ANKRD18A: variants seen among roughly 807,000 people sequenced by gnomAD.
The protein encoded by ANKRD18A is ankyrin repeat domain-containing protein 18A.
Under a neutral mutation model 110.6 loss-of-function variants are expected in ANKRD18A, and 72 were observed. The observed-to-expected ratio is 0.65, with a 90% confidence interval of 0.54 to 0.79. The LOEUF (loss-of-function observed/expected upper bound fraction) is 0.79. ANKRD18A is among the 30% of genes least tolerant of loss of function. The pLI is 0.00. For missense variants in ANKRD18A, 934 were observed against 1,163.3 expected, an observed-to-expected ratio of 0.80 and a Z score of 2.87; for synonymous variants, 305 against 410.3, an observed-to-expected ratio of 0.74 and a Z score of 3.10.
chr9:38,618,241 G>A (rs1825937775), intron 1 of ANKRD18A, among the ~76,000 whole-genome samples: 1 of 151,972 alleles, frequency 6.6e-6, no homozygotes, highest in Non-Finnish European at 1.5e-5. Context: ...AGAAATCAAA[G>A]GTAAGAAAAA....
intron 12 of ANKRD18A, among the ~76,000 whole-genome samples, chr9:38,585,757 C>T (rs1361088208): frequency 1.3e-5 from 2 of 152,110 alleles, no homozygotes; most frequent in African/African-American, 2.4e-5. Context: ...ATGGAATCAA[C>T]CCAGATGTCC....
In ANKRD18A at chr9:38,607,535, A is replaced by C. The variant is rs899261470; in HGVS notation, c.741-42T>G. ...TAATAAAATTAGTATTTTAATAGTG[A>C]TATGAAAAATATTTGCCAAACAGAT... On this transcript the variant is annotated intron_variant, in intron 5 of 15. Coordinates refer to ENST00000399703, the MANE Select transcript of ANKRD18A (RefSeq NM_147195.4). 1.7e-5 allele frequency: 21 copies of C among 1,271,484 alleles called. No homozygotes were observed. The African/African-American group carries it at 3.3e-4, about 20-fold the overall frequency. 78.8% of individuals were successfully genotyped at this position (1,271,484 alleles called of 1,614,324 possible). A position where few individuals can be genotyped will look rare whatever the true frequency, so the allele number is the denominator to read the frequency against.
Position 38,595,885 on chromosome 9 carries a change from G to A in ANKRD18A, c.1455C>T (p.Thr485=), listed in dbSNP as rs1824857178. Residue 485 remains threonine (T), a synonymous_variant, in exon 9 of 16, where the codon ACC becomes ACT. Coordinates refer to ENST00000399703, the MANE Select transcript of ANKRD18A (RefSeq NM_147195.4). ...TTGTCTCACGGAGCTTACCTTTTAAGGTATTGAACTTCACCCGAGCTTTAT... is the reference window on the plus strand; with the variant it reads ...TTGTCTCACGGAGCTTACCTTTTAAAGTATTGAACTTCACCCGAGCTTTAT... ...QVHKARVKFN[T]LKGKLRETRD... is the part of the protein sequence containing the mutation. 6.4e-7 allele frequency: 1 copy of A among 1,551,216 alleles called. No individual in the cohort carries two copies. Among genetic ancestry groups the A allele is most frequent in the Non-Finnish European group, 8.7e-7 (1 of 1,146,668 alleles).
Position 38,593,819 on chromosome 9 carries a change from G to A in ANKRD18A, c.1945C>T (p.His649Tyr). ...ESPLEGTSHC[H>Y]INLNETWTSK... Reference sequence around the variant, plus strand: ...GTCCATGTCTCATTCAAATTAATATGACAATGTGATGTACCTTCCAGTGGA... The same window carrying A: ...GTCCATGTCTCATTCAAATTAATATAACAATGTGATGTACCTTCCAGTGGA... Residue 649 changes from histidine (H) to tyrosine (Y), a missense_variant, in exon 10 of 16, where the codon CAT (histidine) becomes TAT (tyrosine). His to Tyr is a moderately conservative substitution (Grantham distance 83). Transcript: ENST00000399703. The A allele has an allele frequency of 6.5e-7, 1 of 1,541,780 alleles. No individual in the cohort carries two copies. The highest frequency in any genetic ancestry group is 8.7e-7 in the Non-Finnish European group (1 of 1,142,968).
At chr9:38,600,381 C>A (rs1207852702) in intron 8 of ANKRD18A, among the ~76,000 whole-genome samples, 2 of 152,118 alleles carry the variant, frequency 1.3e-5, no homozygotes, top group Non-Finnish European at 1.5e-5. Flanking sequence ...GAATACCAAT[C>A]AGAAAGGGAA....
intron 1 of ANKRD18A, among the ~76,000 whole-genome samples, chr9:38,617,687 G>A (rs1333400312): frequency 6.6e-6 from 1 of 152,198 alleles, no homozygotes; most frequent in East Asian, 1.9e-4. Flanking sequence ...AAAAGCTTCA[G>A]TGAGATTAAG....
intron 3 of ANKRD18A, among the ~76,000 whole-genome samples, chr9:38,614,219 G>GC: frequency 2.9e-5 from 2 of 68,848 alleles, no homozygotes; most frequent in Middle Eastern, 0.013. Flanking sequence ...GAACACTGAG[G>GC]TTTTTTTTTT....
chr9:38,584,855 C>T (rs932497417), intron 12 of ANKRD18A, among the ~76,000 whole-genome samples: 2 of 152,138 alleles, frequency 1.3e-5, no homozygotes. Context: ...GAATCACACC[C>T]TTCAAACAAT....
intron 12 of ANKRD18A, among the ~76,000 whole-genome samples, chr9:38,583,662 ACAGGTGTGAGC>A (rs1312465597): frequency 6.6e-6 from 1 of 152,230 alleles, no homozygotes; most frequent in African/African-American, 2.4e-5. Flanking sequence ...TGCTGGGATT[ACAGGTGTGAGC>A]CAACACACCT....
At chr9:38,566,826 T>C (rs1324856389), downstream of ANKRD18A, 2 of 152,146 alleles carry the variant, frequency 1.3e-5, no homozygotes, top group Non-Finnish European at 2.9e-5. Context: ...GAGTTTTCAA[T>C]GACCAGGTGT....
At chr9:38,604,457 G>A (rs1172783222) in intron 6 of ANKRD18A, among the ~76,000 whole-genome samples, 1 of 145,662 alleles carries the variant, frequency 6.9e-6, no homozygotes, top group Non-Finnish European at 1.5e-5. Context: ...CATGAAGGGA[G>A]ACATGAACAA....
At chr9:38,604,070 CAG>C (rs1255259378) in intron 6 of ANKRD18A, 14 of 152,330 alleles carry the variant, frequency 9.2e-5, no homozygotes, top group African/African-American at 3.4e-4. Flanking sequence ...GAGGCTGAGG[CAG>C]GCGGATCACG....
rs1401418911 is a variant in ANKRD18A, at chr9:38,588,562, T to C, written c.2106A>G (p.Glu702=). 2 of 1,364,944 alleles carry C rather than the reference T, an allele frequency of 1.5e-6. No homozygotes were observed. The allele number at this position is 1,364,944 out of a possible 1,614,324, so 84.6% of individuals were successfully genotyped here. ...TATGAAAACCATACCCAGTTGCCTC[T>C]TCTTCTAATTCACGATTTTTCTTTC... is the stretch of plus-strand genomic sequence containing the variant. ...QIRKKNRELE[E]EATGYKKCLE... Residue 702 remains glutamate, a synonymous_variant, in exon 11 of 16, where the codon GAA becomes GAG. Coordinates refer to ENST00000399703, the MANE Select transcript of ANKRD18A (RefSeq NM_147195.4).
Position 38,599,766 on chromosome 9 carries a change from G to A in ANKRD18A, c.936+1365C>T, listed in dbSNP as rs571683691. Among the ~76,000 whole-genome samples the A allele has an allele frequency of 1.2e-4, 19 of 152,180 alleles. No homozygotes were observed. The South Asian group carries it at 2.5e-3, about 20-fold the overall frequency. On this transcript the variant is annotated intron_variant, in intron 8 of 15. Transcript: ENST00000399703. ...GGTGTGAGCCACCACGCCCAGAATTGTAATGAATTTTAAAGGAAGTCCTGA... is the reference window on the plus strand; with the variant it reads ...GGTGTGAGCCACCACGCCCAGAATTATAATGAATTTTAAAGGAAGTCCTGA...
At chr9:38,611,159 T>C (rs1825603152) in intron 4 of ANKRD18A, 56 bp downstream of exon 4, 5 of 1,511,070 alleles carry the variant, frequency 3.3e-6, no homozygotes, top group South Asian at 2.6e-5. Flanking sequence ...CTGTTACCGC[T>C]CTAGAACACT....
intron 6 of ANKRD18A, among the ~76,000 whole-genome samples, chr9:38,605,123 G>T (rs1476928332): frequency 6.6e-6 from 1 of 152,172 alleles, no homozygotes; most frequent in Non-Finnish European, 1.5e-5. Flanking sequence ...TAAGCTCCCA[G>T]ATGACATTGG....
At chr9:38,572,411 A>C (rs571856379) in intron 15 of ANKRD18A, 1 of 171,188 alleles carries the variant, frequency 5.8e-6, no homozygotes, top group African/African-American at 2.4e-5. Context: ...CATAGATACC[A>C]TGACAGGTAT....
At position 38,571,639 on chromosome 9, in the gene ANKRD18A, C is replaced by G. The variant is rs78161171; in HGVS notation, c.*406G>C. ...CTCCTACTACATATGGTAATAAAAA[C>G]TGTAAAATGCAAAGAAGCCCTCGAT... On this transcript the variant is annotated 3_prime_UTR_variant, in exon 16 of 16. Transcript: ENST00000399703. The G allele has an allele frequency of 9.9e-7, 1 of 1,012,564 alleles. No homozygotes were observed. Among genetic ancestry groups the G allele is most frequent in the South Asian group, 4.3e-5 (1 of 23,170 alleles). The allele number at this position is 1,012,564 out of a possible 1,614,324, so 62.7% of individuals were successfully genotyped here. A position where few individuals can be genotyped will look rare whatever the true frequency, so the allele number is the denominator to read the frequency against.
rs1823672939 is a variant in ANKRD18A at position 38,572,119 on chromosome 9, A to G, written c.2965-60T>C. On this transcript the variant is annotated intron_variant, in intron 15 of 15. Transcript: ENST00000399703. The stretch of plus-strand genomic sequence containing the variant: ...TAAAACATTTCAGTTAACGAAGTGT[A>G]AGTTTAAAATGTGGAGTTGAGAACG... 3 of 1,334,788 alleles carry G rather than the reference A, an allele frequency of 2.2e-6. No homozygotes were observed. The South Asian group carries it at 4.0e-5, about 18-fold the overall frequency. The allele number at this position is 1,334,788 out of a possible 1,614,324, so 82.7% of individuals were successfully genotyped here. A position where few individuals can be genotyped will look rare whatever the true frequency, so the allele number is the denominator to read the frequency against.
Sources: gnomAD v4.1 joint callset for allele counts (sites outside exome capture counted in the v4.1 genomes callset) on GRCh38, gnomAD v4.1.1 for gene constraint, MANE v1.5 for transcripts, NCBI Gene and HGNC (gene_info 2026-07-23, HGNC 2026-07-21) for gene names.